The following PLPP1 variants were observed in gnomAD, a reference collection of about 807,000 sequenced individuals.
PLPP1 encodes the protein lipid phosphate phosphohydrolase 1a.
A neutral mutation model predicts 31.2 loss-of-function variants in PLPP1; 24 were observed. The ratio of observed to expected loss-of-function variants is 0.77; its 90% CI spans 0.56 to 1.08. The LOEUF is 1.08. PLPP1 is among the 50% of genes least tolerant of loss of function. PLPP1 has a pLI of 0.00. For missense variants in PLPP1, 319 were observed against 342.7 expected (o/e 0.93, Z 0.55); for synonymous variants, 146 against 126.3 (o/e 1.16, Z -1.05).
Position 55,481,109 on chromosome 5 carries a change from G to A in PLPP1, c.59-5659C>T, listed in dbSNP as rs1389156193. Among the ~76,000 whole-genome samples the A allele has an allele frequency of 2.6e-5, 4 of 152,138 alleles. No homozygotes were observed. In the South Asian group the frequency reaches 6.2e-4, roughly 24 times the overall value. ...CTTCGCCGTCCTTTATTAGAGACAG[G>A]AAAGGACAACATAAGAACATGGTCA... On this transcript the variant is annotated intron_variant, in intron 1 of 5. Coordinates refer to ENST00000307259, the MANE Select transcript of PLPP1 (RefSeq NM_003711.4).
At chr5:55,476,109 G>GGATTGTGC (rs1216716838) in intron 1 of PLPP1, among the ~76,000 whole-genome samples, 1 of 151,632 alleles carries the variant, frequency 6.6e-6, no homozygotes, top group Admixed American at 6.6e-5. Flanking sequence ...TTCTTGAGCA[G>GGATTGTGC]CTGGGACCAC....
intron 1 of PLPP1, among the ~76,000 whole-genome samples, chr5:55,490,491 C>T (rs1310204933): frequency 2.0e-5 from 3 of 152,016 alleles, no homozygotes; most frequent in South Asian, 2.1e-4. Context: ...TTTTATTTTG[C>T]ACATATATTT....
intron 1 of PLPP1, among the ~76,000 whole-genome samples, chr5:55,488,954 G>A (rs1212694523): frequency 6.6e-6 from 1 of 151,936 alleles, no homozygotes; most frequent in Non-Finnish European, 1.5e-5. Context: ...GCTTGAACCC[G>A]AGCTGAGGCA....
At chr5:55,527,064 C>T (rs1469526271) in intron 1 of PLPP1, among the ~76,000 whole-genome samples, 1 of 150,862 alleles carries the variant, frequency 6.6e-6, no homozygotes, top group African/African-American at 2.4e-5. Context: ...ATACAGTTAA[C>T]AAATGTGTAC....
At chr5:55,445,745 G>A (rs555948503) in intron 3 of PLPP1, among the ~76,000 whole-genome samples, 4 of 151,618 alleles carry the variant, frequency 2.6e-5, no homozygotes, top group Admixed American at 6.6e-5. Context: ...GGGTTTCACC[G>A]TGTTGCCCAG....
At chr5:55,427,001 T>C (rs568243722) in intron 4 of PLPP1, among the ~76,000 whole-genome samples, 17 of 152,226 alleles carry the variant, frequency 1.1e-4, no homozygotes, top group Admixed American at 4.6e-4. Flanking sequence ...GAAATTCCCC[T>C]TTCTCATGTC....
intron 1 of PLPP1, among the ~76,000 whole-genome samples, chr5:55,486,755 A>T (rs1752783580): frequency 6.6e-6 from 1 of 151,872 alleles, no homozygotes; most frequent in Admixed American, 6.6e-5. Context: ...TCTACTAAAA[A>T]TACAAAAATT....
intron 1 of PLPP1, among the ~76,000 whole-genome samples, chr5:55,505,857 G>GACC (rs1458601116): frequency 6.6e-6 from 1 of 152,212 alleles, no homozygotes; most frequent in African/African-American, 2.4e-5. Context: ...AGGTGTTCAA[G>GACC]ACCAGCCTGG....
chr5:55,530,338 G>A, intron 1 of PLPP1: 1 of 1,405,726 alleles, frequency 7.1e-7, no homozygotes, highest in Non-Finnish European at 1.0e-6. Context: ...CATGTCACAG[G>A]AACTATCTGA....
intron 5 of PLPP1, 56 bp downstream of exon 5, chr5:55,425,807 T>G: frequency 7.1e-7 from 1 of 1,414,566 alleles, no homozygotes. Context: ...TTTTTCTATT[T>G]ACTTATATAA....
intron 4 of PLPP1, among the ~76,000 whole-genome samples, chr5:55,433,395 GACA>G (rs1751411063): frequency 8.5e-6 from 1 of 117,594 alleles, no homozygotes; most frequent in Non-Finnish European, 1.8e-5. Flanking sequence ...CGTCTTCGCA[GACA>G]ATATGATCTT....
intron 4 of PLPP1, among the ~76,000 whole-genome samples, chr5:55,426,271 CCCTTCAAA>C (rs1751192547): frequency 6.6e-6 from 1 of 152,172 alleles, no homozygotes. Flanking sequence ...AGCTATACCA[CCCTTCAAA>C]CTGTATACAA....
chr5:55,432,967 T>C (rs1369277152), intron 4 of PLPP1, among the ~76,000 whole-genome samples: 1 of 151,942 alleles, frequency 6.6e-6, no homozygotes, highest in Non-Finnish European at 1.5e-5. Flanking sequence ...TGACCCCTCC[T>C]ATTCAGCATA....
chr5:55,427,206 C>T (rs902972883), intron 4 of PLPP1, among the ~76,000 whole-genome samples: 1 of 152,052 alleles, frequency 6.6e-6, no homozygotes, highest in Non-Finnish European at 1.5e-5. Context: ...AAATGCAGTC[C>T]TTAGAAAACA....
intron 1 of PLPP1, among the ~76,000 whole-genome samples, chr5:55,532,379 A>G (rs1175221183): frequency 6.6e-6 from 1 of 152,228 alleles, no homozygotes; most frequent in African/African-American, 2.4e-5. Context: ...GAACTCCCAC[A>G]GTAGGAAAAG....
chr5:55,529,448 A>G (rs1275649501), intron 1 of PLPP1, among the ~76,000 whole-genome samples: 1 of 152,152 alleles, frequency 6.6e-6, no homozygotes, highest in Non-Finnish European at 1.5e-5. Context: ...AAGAGCTGCT[A>G]TTCAGCTTAG....
intron 3 of PLPP1, among the ~76,000 whole-genome samples, chr5:55,448,898 C>T (rs1751830991): frequency 6.6e-6 from 1 of 152,178 alleles, no homozygotes; most frequent in African/African-American, 2.4e-5. Context: ...CACATTATCC[C>T]ATATACTTTA....
chr5:55,518,596 C>T (rs1753600566), intron 1 of PLPP1, among the ~76,000 whole-genome samples: 1 of 152,170 alleles, frequency 6.6e-6, no homozygotes, highest in East Asian at 1.9e-4. Flanking sequence ...TTACTACTTT[C>T]TAAATACTTC....
At chr5:55,483,657 G>A (rs1450755741) in intron 1 of PLPP1, among the ~76,000 whole-genome samples, 3 of 135,284 alleles carry the variant, frequency 2.2e-5, no homozygotes, top group Non-Finnish European at 3.2e-5. Context: ...GGGTGACAAA[G>A]GGAGACTGTC....
Sources: allele counts gnomAD v4.1 joint callset (sites outside exome capture counted in the v4.1 genomes callset), GRCh38; gene constraint gnomAD v4.1.1; transcripts MANE v1.5; gene names NCBI Gene and HGNC (gene_info 2026-07-23, HGNC 2026-07-21).